PHKB: variants seen among roughly 807,000 people sequenced by gnomAD.
The protein encoded by PHKB is phosphorylase kinase regulatory subunit beta.
Under a neutral mutation model 152.1 loss-of-function variants are expected in PHKB, and 122 were observed. The observed-to-expected ratio is 0.80, with a 90% confidence interval of 0.69 to 0.93. The LOEUF (loss-of-function observed/expected upper bound fraction) is 0.93. Ranked by LOEUF, PHKB falls within the 40% of genes least tolerant of loss-of-function variation. The probability of loss-of-function intolerance (pLI) is 0.00; values close to 1 mark genes in which losing one functional copy is unlikely to be tolerated. For synonymous variants in PHKB, 436 were observed against 464.9 expected (o/e 0.94, Z 0.80); for missense variants, 1,304 against 1,328.4 (o/e 0.98, Z 0.29).
At chr16:47,635,316 G>C (rs1195262748) in intron 14 of PHKB, among the ~76,000 whole-genome samples, 3 of 152,180 alleles carry the variant, frequency 2.0e-5, no homozygotes, top group Admixed American at 2.0e-4. Flanking sequence ...TTTCTCATCA[G>C]TAGATGAGAA....
chr16:47,666,038 T>C lies in PHKB; in HGVS notation c.2427+1063T>C, dbSNP rs1328897529. ...TTTTAGTGCAGGGCAAACAGGTAAG[T>C]ATTTGCTTTTCAGACACTTATTTGG... On this transcript the variant is annotated intron_variant, in intron 25 of 30. Transcript: ENST00000323584. 3 of 1,599,686 alleles carry C rather than the reference T, an allele frequency of 1.9e-6. No homozygotes were observed. In the East Asian group the frequency reaches 6.7e-5, roughly 36 times the overall value.
intron 14 of PHKB, among the ~76,000 whole-genome samples, chr16:47,640,378 T>C (rs1010821794): frequency 6.6e-6 from 1 of 152,218 alleles, no homozygotes. Flanking sequence ...AATTTAACAA[T>C]GTATAATACA....
chr16:47,492,198 C>T (rs1035287651), intron 1 of PHKB, among the ~76,000 whole-genome samples: 1 of 152,098 alleles, frequency 6.6e-6, no homozygotes, highest in East Asian at 1.9e-4. Context: ...AGGCCTTGCT[C>T]CCAAGGATGT....
chr16:47,580,255 CA>C, intron 7 of PHKB, 39 bp from the exon 8 acceptor site: 1 of 1,490,706 alleles, frequency 6.7e-7, no homozygotes, highest in Non-Finnish European at 9.4e-7. Context: ...TTTGTAGCCA[CA>C]TACATTAGAG....
intron 12 of PHKB, among the ~76,000 whole-genome samples, chr16:47,594,967 ATAT>A (rs1212464748): frequency 6.6e-6 from 1 of 152,192 alleles, no homozygotes; most frequent in Non-Finnish European, 1.5e-5. Flanking sequence ...TAAATACTTA[ATAT>A]TATATGCTCA....
rs1391170078 is a variant in PHKB, at chr16:47,588,946, A to G, written c.912A>G (p.Ala304=). 1 of 1,613,968 alleles carries G rather than the reference A, an allele frequency of 6.2e-7. No individual in the cohort carries two copies. Among genetic ancestry groups the G allele is most frequent in the East Asian group, 2.2e-5 (1 of 44,880 alleles). Residue 304 remains alanine (A), a synonymous_variant, in exon 10 of 31, where the codon GCA becomes GCG. Coordinates refer to ENST00000323584, the MANE Select transcript of PHKB (RefSeq NM_000293.3). The part of the protein sequence containing the change: ...AALLPCISYP[A]FALDDEVLFS... ...TGCTCCCCTGCATCAGTTATCCTGC[A>G]TTTGCCCTGGATGATGAAGTTCTTT... is the stretch of plus-strand genomic sequence containing the variant.
chr16:47,558,390 A>G (rs1380960872), intron 7 of PHKB, among the ~76,000 whole-genome samples: 2 of 152,160 alleles, frequency 1.3e-5, no homozygotes, highest in Non-Finnish European at 2.9e-5. Context: ...AATAATAATA[A>G]AATAAAAATA....
chr16:47,573,308 A>T (rs1449603258), intron 7 of PHKB, among the ~76,000 whole-genome samples: 1 of 152,160 alleles, frequency 6.6e-6, no homozygotes, highest in Non-Finnish European at 1.5e-5. Context: ...CTGTGGTGTT[A>T]GGCTAGGGGC....
chr16:47,489,066 T>G (rs1181923566), intron 1 of PHKB, among the ~76,000 whole-genome samples: 1 of 152,198 alleles, frequency 6.6e-6, no homozygotes, highest in African/African-American at 2.4e-5. Context: ...GTATTTGTAT[T>G]TTTTTGAGAC....
intron 14 of PHKB, among the ~76,000 whole-genome samples, chr16:47,618,137 C>CT (rs1597127936): frequency 6.6e-6 from 1 of 152,248 alleles, no homozygotes; most frequent in African/African-American, 2.4e-5. Context: ...TGGTGATACT[C>CT]TAAGTGGTAT....
rs146275481 is a variant in PHKB, at chr16:47,631,213, G to A, written c.1459-9822G>A. ...AAGCAGCACATAATCTGTGAAATAC[G>A]TACTGTGACATGTGCCATATTGATT... On this transcript the variant is annotated intron_variant, in intron 14 of 30. Transcript: ENST00000323584. Among the ~76,000 whole-genome samples the A allele has an allele frequency of 7.5e-3, 1,144 of 152,110 alleles. 19 individuals are homozygous for A. The highest frequency in any genetic ancestry group is 0.026 in the African/African-American group (1,081 of 41,476).
At chr16:47,572,550 G>T (rs1971679489) in intron 7 of PHKB, among the ~76,000 whole-genome samples, 1 of 152,164 alleles carries the variant, frequency 6.6e-6, no homozygotes, top group Non-Finnish European at 1.5e-5. Context: ...TCTGCGGAAT[G>T]TGTAATGGTT....
intron 1 of PHKB, among the ~76,000 whole-genome samples, chr16:47,473,050 T>TG (rs1555468486): frequency 3.3e-5 from 5 of 150,874 alleles, no homozygotes; most frequent in South Asian, 2.1e-4. Context: ...GTGTTTTTTT[T>TG]TTTGTTTGTT....
chr16:47,584,469 G>A (rs996014591), intron 8 of PHKB, among the ~76,000 whole-genome samples: 2 of 152,102 alleles, frequency 1.3e-5, no homozygotes, highest in African/African-American at 4.8e-5. Flanking sequence ...ATCTTTCTCT[G>A]TAGTTTGAGA....
chr16:47,559,733 G>C (rs894515531), intron 7 of PHKB, among the ~76,000 whole-genome samples: 1 of 152,186 alleles, frequency 6.6e-6, no homozygotes, highest in Non-Finnish European at 1.5e-5. Context: ...AGACTCAGAA[G>C]TCATGCAGTG....
chr16:47,566,085 C>A (rs1971560525), intron 7 of PHKB: 3 of 657,996 alleles, frequency 4.6e-6, no homozygotes, highest in Admixed American at 4.8e-5. Flanking sequence ...TTTGCCATTG[C>A]CTATCTGGGA....
chr16:47,608,406 T>TC (rs1384927816), intron 13 of PHKB, among the ~76,000 whole-genome samples: 2 of 152,212 alleles, frequency 1.3e-5, no homozygotes, highest in African/African-American at 2.4e-5. Flanking sequence ...TATCCAATTG[T>TC]CTCAGCACTA....
chr16:47,699,458 G>A lies in PHKB; in HGVS notation c.*92G>A, dbSNP rs948825927. The A allele has an allele frequency of 1.9e-5, 28 of 1,440,328 alleles. No individual in the cohort carries two copies. The highest frequency in any genetic ancestry group is 2.3e-5 in the Non-Finnish European group (24 of 1,022,110). 89.2% of individuals were successfully genotyped at this position (1,440,328 alleles called of 1,614,324 possible). A position where few individuals can be genotyped will look rare whatever the true frequency, so the allele number is the denominator to read the frequency against. ...TTAATCAAGGCAGCCATTAATATAC[G>A]AACTGAGCATGCTGGGGAGGTGAAT... On this transcript the variant is annotated 3_prime_UTR_variant, in exon 31 of 31. Transcript: ENST00000323584.
chr16:47,506,974 T>C (rs2151647085), intron 4 of PHKB, among the ~76,000 whole-genome samples: 1 of 152,322 alleles, frequency 6.6e-6, no homozygotes. Flanking sequence ...TTTTTTATTG[T>C]TGTTTGGCTG....
Sources: gnomAD v4.1 joint callset for allele counts (sites outside exome capture counted in the v4.1 genomes callset) on GRCh38, gnomAD v4.1.1 for gene constraint, MANE v1.5 for transcripts, NCBI Gene and HGNC (gene_info 2026-07-23, HGNC 2026-07-21) for gene names.